Variants in ENOX2 observed in about 807,000 individuals in gnomAD.
ENOX2 encodes the protein ecto-NOX disulfide-thiol exchanger 2.
A neutral mutation model predicts 45.0 loss-of-function variants in ENOX2; 36 were observed. That is an observed-to-expected ratio of 0.80 (90% CI 0.61 to 1.06). ENOX2 has a LOEUF of 1.06. ENOX2 is among the 50% of genes least tolerant of loss of function. The probability of loss-of-function intolerance (pLI) is 0.00; values close to 1 mark genes in which losing one functional copy is unlikely to be tolerated. For missense variants in ENOX2, 423 were observed against 462.5 expected, an observed-to-expected ratio of 0.91 and a Z score of 0.78; for synonymous variants, 174 against 152.3, an observed-to-expected ratio of 1.14 and a Z score of -1.05.
Position 130,887,844 on chromosome X carries a change from T to C in ENOX2, c.-183+13840A>G, listed in dbSNP as rs148105519. Among the ~76,000 whole-genome samples the C allele has an allele frequency of 6.0e-3, 677 of 112,154 alleles. 2 individuals carry two copies. The highest frequency in any genetic ancestry group is 0.02 in the African/African-American group (630 of 30,875). ...AAACAAAATAATGTTTGCCCACTCTTACAGGGCACAGAAAGTCACCCCTTT... is the reference window on the plus strand; with the variant it reads ...AAACAAAATAATGTTTGCCCACTCTCACAGGGCACAGAAAGTCACCCCTTT... On this transcript the variant is annotated intron_variant, in intron 2 of 14. Transcript: ENST00000394363.
At chrX:130,697,001 G>A (rs2037779545) in intron 4 of ENOX2, among the ~76,000 whole-genome samples, 1 of 111,270 alleles carries the variant, frequency 9.0e-6, no homozygotes, top group South Asian at 3.8e-4. Context: ...CCCAGATGCT[G>A]ATTTATTTTA....
At chrX:130,720,874 T>C (rs1441346922) in intron 3 of ENOX2, among the ~76,000 whole-genome samples, 2 of 111,469 alleles carry the variant, frequency 1.8e-5, no homozygotes, top group Admixed American at 9.5e-5. Flanking sequence ...GTCCCAAGTA[T>C]AGAGCGACAA....
chrX:130,868,315 C>A (rs1426842759), intron 2 of ENOX2, among the ~76,000 whole-genome samples: 3 of 112,054 alleles, frequency 2.7e-5, no homozygotes, highest in Non-Finnish European at 5.7e-5. Context: ...TATATCTAAA[C>A]AAAATAAAGA....
At chrX:130,638,187 G>C (rs1374787884) in intron 10 of ENOX2, among the ~76,000 whole-genome samples, 1 of 108,314 alleles carries the variant, frequency 9.2e-6, no homozygotes, top group Non-Finnish European at 1.9e-5. Flanking sequence ...TCCCGCCTCA[G>C]CCTCCTGAGT....
At chrX:130,863,354 T>G in intron 2 of ENOX2, among the ~76,000 whole-genome samples, 1 of 112,280 alleles carries the variant, frequency 8.9e-6, no homozygotes, top group Admixed American at 9.4e-5. Flanking sequence ...CAGAAGTGTA[T>G]CCCTTTTGAA....
chrX:130,821,298 C>A (rs1451101969), intron 2 of ENOX2, among the ~76,000 whole-genome samples: 2 of 100,179 alleles, frequency 2.0e-5, no homozygotes, highest in African/African-American at 7.4e-5. Flanking sequence ...ACCCAAATGT[C>A]CAACAATGAT....
intron 3 of ENOX2, among the ~76,000 whole-genome samples, chrX:130,710,698 T>C (rs1231525427): frequency 9.0e-6 from 1 of 111,647 alleles, no homozygotes; most frequent in Non-Finnish European, 1.9e-5. Flanking sequence ...ATCACATGTA[T>C]AGGCAACTCC....
rs187339501 is a variant in ENOX2 at position 130,687,072 on chromosome X, T to C, written c.253+1791A>G. Among the ~76,000 whole-genome samples the C allele has an allele frequency of 1.1e-3, 118 of 112,107 alleles. 1 individual carries two copies. The highest frequency in any genetic ancestry group is 3.7e-3 in the African/African-American group (115 of 30,877). On this transcript the variant is annotated intron_variant, in intron 5 of 14. Coordinates refer to ENST00000394363, the MANE Select transcript of ENOX2 (RefSeq NM_006375.4). ...AATATAAAAATGTATTTGAGAGATGTCAGTCCGTTTCTTTTACTAGAGGCT... is the reference window on the plus strand; with the variant it reads ...AATATAAAAATGTATTTGAGAGATGCCAGTCCGTTTCTTTTACTAGAGGCT...
At position 130,840,588 on chromosome X, in the gene ENOX2, C is replaced by T. The variant is rs182410662; in HGVS notation, c.-182-56898G>A. 9.0e-3 allele frequency among the ~76,000 whole-genome samples: 986 copies of T among 110,140 alleles called. 17 individuals carry two copies. The highest frequency in any genetic ancestry group is 0.031 in the African/African-American group (937 of 30,298). ...AAAACAGTCTATTAAAACCCTTGGC[C>T]GGGCATGGTGGCTCATTCCTGTAAT... On this transcript the variant is annotated intron_variant, in intron 2 of 14. Transcript: ENST00000394363.
chrX:130,853,325 G>A (rs945737437), intron 2 of ENOX2, among the ~76,000 whole-genome samples: 13 of 108,032 alleles, frequency 1.2e-4, no homozygotes, highest in Admixed American at 9.8e-4. Flanking sequence ...TTAGCCGGGC[G>A]TAGTGGCGGG....
At chrX:130,870,757 T>C (rs759531530) in intron 2 of ENOX2, among the ~76,000 whole-genome samples, 3 of 111,697 alleles carry the variant, frequency 2.7e-5, no homozygotes, top group Non-Finnish European at 5.7e-5. Flanking sequence ...TCTATCTTTC[T>C]AGAAGGACAT....
intron 4 of ENOX2, among the ~76,000 whole-genome samples, chrX:130,697,906 T>C (rs1347399224): frequency 4.5e-5 from 5 of 111,992 alleles, no homozygotes; most frequent in African/African-American, 9.7e-5. Context: ...AGGCTTTAAA[T>C]AGTTTAAAAT....
chrX:130,751,285 A>C (rs1286984112), intron 3 of ENOX2, among the ~76,000 whole-genome samples: 1 of 112,129 alleles, frequency 8.9e-6, no homozygotes, highest in African/African-American at 3.2e-5. Flanking sequence ...TTCAGAGAAA[A>C]GGAATCATAC....
At chrX:130,842,833 C>T (rs917856521) in intron 2 of ENOX2, among the ~76,000 whole-genome samples, 7 of 111,156 alleles carry the variant, frequency 6.3e-5, no homozygotes, top group Non-Finnish European at 9.4e-5. Flanking sequence ...CTCATTTATT[C>T]TTTCTCTAAA....
chrX:130,880,344 A>AT (rs908510313), intron 2 of ENOX2, among the ~76,000 whole-genome samples: 80 of 109,985 alleles, frequency 7.3e-4, no homozygotes, highest in East Asian at 1.4e-3. Context: ...CTATCCATGT[A>AT]TTTTTTTTTC....
At chrX:130,684,421 A>G (rs970646150) in intron 5 of ENOX2, among the ~76,000 whole-genome samples, 4 of 112,213 alleles carry the variant, frequency 3.6e-5, no homozygotes, top group African/African-American at 1.3e-4. Flanking sequence ...TTTTTTGTAC[A>G]TTTGATGTAG....
chrX:130,713,414 GT>G (rs2038243859), intron 3 of ENOX2, among the ~76,000 whole-genome samples: 2 of 111,597 alleles, frequency 1.8e-5, no homozygotes, highest in Non-Finnish European at 3.8e-5. Flanking sequence ...ATAGGTTAAG[GT>G]TGGACCCAGG....
At chrX:130,877,535 A>C (rs781021640) in intron 2 of ENOX2, among the ~76,000 whole-genome samples, 1 of 112,117 alleles carries the variant, frequency 8.9e-6, no homozygotes, top group Non-Finnish European at 1.9e-5. Flanking sequence ...ATTTTGGCTT[A>C]AGTCCATGAA....
At chrX:130,875,006 G>A (rs909187308) in intron 2 of ENOX2, among the ~76,000 whole-genome samples, 1 of 111,887 alleles carries the variant, frequency 8.9e-6, no homozygotes, top group Non-Finnish European at 1.9e-5. Flanking sequence ...CAAGAAGTGT[G>A]TGAGTCACTA....
Sources: gnomAD v4.1 joint callset for allele counts (sites outside exome capture counted in the v4.1 genomes callset) on GRCh38, gnomAD v4.1.1 for gene constraint, MANE v1.5 for transcripts, NCBI Gene and HGNC (gene_info 2026-07-23, HGNC 2026-07-21) for gene names.